Variants in KCNJ4 observed in about 807,000 individuals in gnomAD.
The protein encoded by KCNJ4 is inward rectifier potassium channel 4.
In KCNJ4, 3 loss-of-function variants were observed where a neutral mutation model predicts 25.6. The ratio of observed to expected loss-of-function variants is 0.12; its 90% CI spans 0.05 to 0.30. The LOEUF (loss-of-function observed/expected upper bound fraction) is 0.30. Among genes scored for constraint, KCNJ4 ranks in the 10% least tolerant of loss-of-function variants. KCNJ4 has a pLI of 1.00. For synonymous variants in KCNJ4, 257 were observed against 283.9 expected (o/e 0.91, Z 0.95); for missense variants, 286 against 666.8 (o/e 0.43, Z 6.29).
intron 1 of KCNJ4, among the ~76,000 whole-genome samples, chr22:38,453,994 C>T (rs1323196410): frequency 6.6e-6 from 1 of 152,194 alleles, no homozygotes; most frequent in East Asian, 1.9e-4. Flanking sequence ...CAGTGAGGCT[C>T]TTGGGCCCCT....
chr22:38,436,971 G>A (rs763936195), intron 1 of KCNJ4, among the ~76,000 whole-genome samples: 5 of 152,290 alleles, frequency 3.3e-5, no homozygotes, highest in Admixed American at 6.5e-5. Flanking sequence ...GTCCTACTAC[G>A]TGCCAGGTTC....
chr22:38,447,165 A>G (rs1030086090), intron 1 of KCNJ4, among the ~76,000 whole-genome samples: 4 of 151,582 alleles, frequency 2.6e-5, no homozygotes, highest in African/African-American at 9.7e-5. Context: ...GAGGTGGGCC[A>G]CTCCTCCTGT....
At chr22:38,453,488 C>A (rs903817005) in intron 1 of KCNJ4, among the ~76,000 whole-genome samples, 2 of 152,150 alleles carry the variant, frequency 1.3e-5, no homozygotes, top group African/African-American at 4.8e-5. Flanking sequence ...CAGCTATTTC[C>A]GCCATATTCC....
intron 1 of KCNJ4, among the ~76,000 whole-genome samples, chr22:38,446,061 C>T (rs1289329809): frequency 6.6e-6 from 1 of 152,174 alleles, no homozygotes; most frequent in Non-Finnish European, 1.5e-5. Flanking sequence ...TTAATAGAGC[C>T]CCCTCCTGCC....
At chr22:38,435,499 C>T (rs1267409588) in intron 1 of KCNJ4, among the ~76,000 whole-genome samples, 1 of 151,986 alleles carries the variant, frequency 6.6e-6, no homozygotes, top group Non-Finnish European at 1.5e-5. Context: ...TCGAGACCAG[C>T]CTGGCCAACA....
rs1188637217 is a variant in KCNJ4 at position 38,428,064 on chromosome 22, C to T, written c.69G>A (p.Lys23=). Residue 23 remains lysine, a synonymous_variant, in exon 2 of 2, where the codon AAG becomes AAA. Transcript: ENST00000303592. ...PRRKRRNRFV[K]KNGQCNVYFA... The stretch of plus-strand genomic sequence containing the variant: ...AGTACACGTTGCATTGGCCGTTCTT[C>T]TTGACGAAGCGGTTGCGGCGCTTCC... 6.2e-7 allele frequency: 1 copy of T among 1,614,122 alleles called. No homozygotes were observed. Among genetic ancestry groups the T allele is most frequent in the Non-Finnish European group, 8.5e-7 (1 of 1,179,954 alleles).
chr22:38,444,046 G>A (rs1288061686), intron 1 of KCNJ4, among the ~76,000 whole-genome samples: 2 of 151,964 alleles, frequency 1.3e-5, no homozygotes, highest in African/African-American at 2.4e-5. Flanking sequence ...AGACTCCACC[G>A]CTTGTGCCTT....
In KCNJ4 at chr22:38,442,259, GGTT is replaced by G. The variant is rs1423735564; in HGVS notation, c.-40+12718_-40+12720del. ...TATTTTCCAGAGAAGGCATTCATAA[GGTT>G]GTGTGGCCGGGCGCGGTGGCTCACG... On this transcript the variant is annotated intron_variant, in intron 1 of 1. Coordinates refer to ENST00000303592, the MANE Select transcript of KCNJ4 (RefSeq NM_152868.3). Among the ~76,000 whole-genome samples, 10 of 152,308 alleles carry G rather than the reference GGTT, an allele frequency of 6.6e-5. No homozygotes were observed. In the East Asian group the frequency reaches 1.9e-3, roughly 29 times the overall value.
intron 1 of KCNJ4, among the ~76,000 whole-genome samples, chr22:38,450,853 G>A (rs951597253): frequency 3.3e-5 from 5 of 152,246 alleles, no homozygotes; most frequent in African/African-American, 4.8e-5. Context: ...CTGTGGGGGC[G>A]TCTAGACCAT....
At chr22:38,432,654 C>G (rs1200062777) in intron 1 of KCNJ4, among the ~76,000 whole-genome samples, 1 of 152,096 alleles carries the variant, frequency 6.6e-6, no homozygotes, top group African/African-American at 2.4e-5. Flanking sequence ...AGGCCACTAG[C>G]CCATGGCAAA....
intron 1 of KCNJ4, among the ~76,000 whole-genome samples, chr22:38,437,432 CTT>C (rs2093068415): frequency 6.6e-6 from 1 of 152,252 alleles, no homozygotes; most frequent in East Asian, 1.9e-4. Flanking sequence ...TGAAGCTTCT[CTT>C]TTCCAGAACA....
chr22:38,429,684 C>T (rs60910684), intron 1 of KCNJ4, among the ~76,000 whole-genome samples: 4,233 of 152,234 alleles, frequency 0.028, 249 homozygotes, highest in East Asian at 0.19. Flanking sequence ...TGGCGGGATG[C>T]GCCTCGGGCC....
Position 38,427,880 on chromosome 22 carries a change from C to A in KCNJ4, c.253G>T (p.Gly85Cys). The A allele has an allele frequency of 6.2e-7, 1 of 1,611,872 alleles. No homozygotes were observed. The highest frequency in any genetic ancestry group is 8.5e-7 in the Non-Finnish European group (1 of 1,178,760). Residue 85 changes from glycine to cysteine, a missense_variant, in exon 2 of 2, where the codon GGT (glycine) becomes TGT (cysteine). Gly to Cys is a radical substitution (Grantham distance 159). Coordinates refer to ENST00000303592, the MANE Select transcript of KCNJ4 (RefSeq NM_152868.3). ...ACCCCTGGGCTGGCCTCCAGGTCACCGTGGAAGAAGGCGATACACCAGAAG... is the reference window on the plus strand; with the variant it reads ...ACCCCTGGGCTGGCCTCCAGGTCACAGTGGAAGAAGGCGATACACCAGAAG... ...LLFWCIAFFHGDLEASPGVPA... is the reference protein window; with the variant it reads ...LLFWCIAFFHCDLEASPGVPA...
chr22:38,454,499 C>T (rs2089427428), intron 1 of KCNJ4, among the ~76,000 whole-genome samples: 1 of 152,180 alleles, frequency 6.6e-6, no homozygotes. Flanking sequence ...TGCCCCTGCG[C>T]CCTGGGGTCG....
intron 1 of KCNJ4, among the ~76,000 whole-genome samples, chr22:38,444,796 G>T (rs2089361926): frequency 6.6e-6 from 1 of 152,108 alleles, no homozygotes; most frequent in Admixed American, 6.5e-5. Context: ...CTTCCCACTG[G>T]CTCCTCAGGC....
At chr22:38,437,500 G>A (rs2093068645) in intron 1 of KCNJ4, among the ~76,000 whole-genome samples, 2 of 152,188 alleles carry the variant, frequency 1.3e-5, no homozygotes, top group Non-Finnish European at 2.9e-5. Context: ...TGCCTGGCTG[G>A]GGCTTCCACT....
At chr22:38,441,043 G>A (rs1442498667) in intron 1 of KCNJ4, among the ~76,000 whole-genome samples, 3 of 152,146 alleles carry the variant, frequency 2.0e-5, no homozygotes, top group African/African-American at 7.2e-5. Flanking sequence ...AAAAGGAGAG[G>A]GGGTCTTAGA....
At chr22:38,442,766 G>T (rs993494758) in intron 1 of KCNJ4, among the ~76,000 whole-genome samples, 1 of 151,920 alleles carries the variant, frequency 6.6e-6, no homozygotes, top group African/African-American at 2.4e-5. Flanking sequence ...ATTTTTTGAG[G>T]CAGGGTCTCG....
At position 38,449,808 on chromosome 22, in the gene KCNJ4, C is replaced by T. The variant is rs147539881; in HGVS notation, c.-40+5172G>A. 8.8e-3 allele frequency among the ~76,000 whole-genome samples: 1,348 copies of T among 152,352 alleles called. 19 individuals are homozygous for T. Among genetic ancestry groups the T allele is most frequent in the African/African-American group, 0.031 (1,285 of 41,580 alleles). On this transcript the variant is annotated intron_variant, in intron 1 of 1. Coordinates refer to ENST00000303592, the MANE Select transcript of KCNJ4 (RefSeq NM_152868.3). This position sits in a 1 kb window ranked among gnomAD's most constrained non-coding sequence, Gnocchi z 5.2. ...AGAATCATCTATGTCCAAAGTCTTC[C>T]AGGTTCACGACAGGGACCCCGTGTT... is the stretch of plus-strand genomic sequence containing the variant.
Sources: gnomAD v4.1 joint callset for allele counts (sites outside exome capture counted in the v4.1 genomes callset) on GRCh38, gnomAD v4.1.1 for gene constraint, Gnocchi (gnomAD v3.1) non-coding constraint, MANE v1.5 for transcripts, NCBI Gene and HGNC (gene_info 2026-07-23, HGNC 2026-07-21) for gene names.